The following SGCZ variants were observed in gnomAD, a reference collection of about 807,000 sequenced individuals.
SGCZ encodes the protein zeta-sarcoglycan.
A neutral mutation model predicts 41.3 loss-of-function variants in SGCZ; 40 were observed. The ratio of observed to expected loss-of-function variants is 0.97; its 90% CI spans 0.75 to 1.26. SGCZ has a LOEUF of 1.26. Among genes scored for constraint, SGCZ ranks in the 50% most tolerant of loss-of-function variants. SGCZ has a pLI of 0.00. For synonymous variants in SGCZ, 206 were observed against 137.5 expected (o/e 1.50, Z -3.49); for missense variants, 552 against 369.8 (o/e 1.49, Z -4.04).
At chr8:14,376,721 A>G (rs932796811) in intron 2 of SGCZ, among the ~76,000 whole-genome samples, 2 of 152,242 alleles carry the variant, frequency 1.3e-5, no homozygotes, top group African/African-American at 2.4e-5. Flanking sequence ...TAAAGGTGCC[A>G]TAAAAGAAGA....
intron 2 of SGCZ, among the ~76,000 whole-genome samples, chr8:14,503,030 G>C (rs1487364809): frequency 6.6e-6 from 1 of 152,074 alleles, no homozygotes. Flanking sequence ...CAATAGCAAA[G>C]ACTTGCAACT....
intron 1 of SGCZ, among the ~76,000 whole-genome samples, chr8:14,813,731 C>T (rs1223889103): frequency 6.6e-6 from 1 of 152,122 alleles, no homozygotes; most frequent in Non-Finnish European, 1.5e-5. Context: ...GTGGGCAGAT[C>T]ACCTGAGTTC....
At chr8:15,049,411 C>A (rs1251554521) in intron 1 of SGCZ, among the ~76,000 whole-genome samples, 1 of 152,072 alleles carries the variant, frequency 6.6e-6, no homozygotes, top group Non-Finnish European at 1.5e-5. Flanking sequence ...GCAAGAGCAA[C>A]TAGGAAGTCT....
chr8:14,775,417 C>T (rs937368395), intron 1 of SGCZ, among the ~76,000 whole-genome samples: 9 of 151,578 alleles, frequency 5.9e-5, no homozygotes, highest in South Asian at 2.1e-4. Flanking sequence ...TATTTTCCTA[C>T]GTCCCCACTC....
chr8:14,491,911 C>G (rs1391539990), intron 2 of SGCZ, among the ~76,000 whole-genome samples: 1 of 152,056 alleles, frequency 6.6e-6, no homozygotes, highest in East Asian at 1.9e-4. Flanking sequence ...AATCCTTTAT[C>G]ATCACAGAAT....
At position 14,523,580 on chromosome 8, in the gene SGCZ, T is replaced by C. The variant is rs188901539; in HGVS notation, c.234+31152A>G. Among the ~76,000 whole-genome samples the C allele has an allele frequency of 1.6e-4, 24 of 152,186 alleles. No homozygotes were observed. In the East Asian group the frequency reaches 4.5e-3, roughly 28 times the overall value. ...CAGATAAGGTGTTATTTCCCTCTTA[T>C]TGCTTTTATAAATTATTTTTGTTTG... On this transcript the variant is annotated intron_variant, in intron 2 of 7. Coordinates refer to ENST00000382080, the MANE Select transcript of SGCZ (RefSeq NM_139167.4).
At chr8:15,037,822 T>C (rs1164540274) in intron 1 of SGCZ, among the ~76,000 whole-genome samples, 1 of 152,186 alleles carries the variant, frequency 6.6e-6, no homozygotes, top group African/African-American at 2.4e-5. Flanking sequence ...GTAGTGATTC[T>C]ATACACTGAC....
chr8:14,639,692 G>GTCTT (rs1223277052), intron 1 of SGCZ, among the ~76,000 whole-genome samples: 1 of 151,554 alleles, frequency 6.6e-6, no homozygotes, highest in Admixed American at 6.6e-5. Context: ...ATGAATACTA[G>GTCTT]TCTTTAAACA....
At chr8:14,974,290 T>C (rs573349903) in intron 1 of SGCZ, among the ~76,000 whole-genome samples, 1 of 152,334 alleles carries the variant, frequency 6.6e-6, no homozygotes, top group African/African-American at 2.4e-5. Context: ...CTATTGTATA[T>C]AGTATATGTG....
intron 1 of SGCZ, among the ~76,000 whole-genome samples, chr8:14,650,848 G>A (rs1807374891): frequency 6.6e-6 from 1 of 152,050 alleles, no homozygotes; most frequent in Admixed American, 6.6e-5. Flanking sequence ...ATAGAGGGGA[G>A]TGATATGTTA....
chr8:14,823,908 T>A (rs563279018), intron 1 of SGCZ, among the ~76,000 whole-genome samples: 1 of 152,184 alleles, frequency 6.6e-6, no homozygotes, highest in African/African-American at 2.4e-5. Context: ...AAAAAGGAAT[T>A]AAATTCTGTC....
intron 1 of SGCZ, among the ~76,000 whole-genome samples, chr8:15,108,965 T>C (rs568424034): frequency 8.3e-4 from 126 of 152,258 alleles, no homozygotes; most frequent in African/African-American, 2.3e-3. Context: ...ACTGCAAAAA[T>C]AGAATGAAAT....
intron 2 of SGCZ, among the ~76,000 whole-genome samples, chr8:14,399,205 G>A (rs1027284086): frequency 2.0e-5 from 3 of 152,094 alleles, no homozygotes; most frequent in African/African-American, 7.2e-5. Flanking sequence ...CCTGTTAAGT[G>A]TCAGGGTTCC....
At chr8:15,126,443 G>A (rs1807684473) in intron 1 of SGCZ, among the ~76,000 whole-genome samples, 1 of 152,048 alleles carries the variant, frequency 6.6e-6, no homozygotes, top group Non-Finnish European at 1.5e-5. Context: ...CTATCAGCAG[G>A]GCATTGTGAA....
intron 1 of SGCZ, among the ~76,000 whole-genome samples, chr8:14,603,119 G>C (rs891169695): frequency 2.0e-5 from 3 of 152,122 alleles, no homozygotes; most frequent in Non-Finnish European, 2.9e-5. Context: ...GCCTGGGAGT[G>C]CATTCTCAGG....
At chr8:15,151,306 G>A (rs554615367) in intron 1 of SGCZ, among the ~76,000 whole-genome samples, 7 of 152,082 alleles carry the variant, frequency 4.6e-5, no homozygotes, top group Non-Finnish European at 1.0e-4. Context: ...AGCTACTTCT[G>A]GAATCTCACC....
chr8:14,271,351 T>G (rs1374076563), intron 3 of SGCZ, among the ~76,000 whole-genome samples: 1 of 152,222 alleles, frequency 6.6e-6, no homozygotes, highest in Non-Finnish European at 1.5e-5. Context: ...ATTTTGTTTT[T>G]GATTGATTCA....
At chr8:14,894,150 T>G (rs1805114170) in intron 1 of SGCZ, among the ~76,000 whole-genome samples, 1 of 152,186 alleles carries the variant, frequency 6.6e-6, no homozygotes, top group South Asian at 2.1e-4. Flanking sequence ...ATATAAAATA[T>G]TCACTAAATA....
intron 3 of SGCZ, among the ~76,000 whole-genome samples, chr8:14,287,723 G>A (rs1267498456): frequency 3.3e-5 from 5 of 151,862 alleles, no homozygotes; most frequent in South Asian, 4.1e-4. Flanking sequence ...CATTATCCCC[G>A]ATTGGATTCA....
Sources: gnomAD v4.1 joint callset for allele counts (sites outside exome capture counted in the v4.1 genomes callset) on GRCh38, gnomAD v4.1.1 for gene constraint, MANE v1.5 for transcripts, NCBI Gene and HGNC (gene_info 2026-07-23, HGNC 2026-07-21) for gene names.